The following IL33 variants were observed in gnomAD, a reference collection of about 807,000 sequenced individuals.
IL33 encodes the protein interleukin-33.
Under a neutral mutation model 27.3 loss-of-function variants are expected in IL33, and 37 were observed. The observed-to-expected ratio is 1.36, with a 90% confidence interval of 1.04 to 1.78. The LOEUF (loss-of-function observed/expected upper bound fraction) is 1.78, where lower values mean the gene tolerates loss of function less well. Among genes scored for constraint, IL33 ranks in the 40% most tolerant of loss-of-function variants. The pLI, the probability that IL33 is intolerant of heterozygous loss-of-function variation, is 0.00. For missense variants in IL33, 406 were observed against 311.4 expected, an observed-to-expected ratio of 1.30 and a Z score of -2.29; for synonymous variants, 132 against 102.9, an observed-to-expected ratio of 1.28 and a Z score of -1.71.
chr9:6,220,659 ATATAT>A (rs1818369579), intron 1 of IL33, among the ~76,000 whole-genome samples: 1 of 152,126 alleles, frequency 6.6e-6, no homozygotes, highest in African/African-American at 2.4e-5. Flanking sequence ...TCTTATACAT[ATATAT>A]TATTTGTCCA....
At position 6,252,879 on chromosome 9, in the gene IL33, T is replaced by C. The variant is rs1816485959; in HGVS notation, c.357T>C (p.Ile119=). 1 of 1,605,096 alleles carries C rather than the reference T, an allele frequency of 6.2e-7. No homozygotes were observed. Among genetic ancestry groups the C allele is most frequent in the Non-Finnish European group, 8.5e-7 (1 of 1,177,722 alleles). ...HDSSITGISP[I]TEYLASLSTY... is the part of the protein sequence containing the mutation. ...TCTTAACAACAGGAATTTCACCTAT[T>C]ACAGAGTATCTTGCTTCTCTAAGCA... The change falls in exon 5 of 8, where the codon ATT becomes ATC. Residue 119 remains isoleucine, a synonymous_variant. Coordinates refer to ENST00000682010, the MANE Select transcript of IL33 (RefSeq NM_033439.4).
intron 2 of IL33, among the ~76,000 whole-genome samples, chr9:6,243,757 A>G (rs962581013): frequency 9.2e-5 from 14 of 152,220 alleles, no homozygotes; most frequent in African/African-American, 3.1e-4. Flanking sequence ...AGGATAAGGA[A>G]TGATGGTGGG....
At position 6,253,620 on chromosome 9, in the gene IL33, G is replaced by A. The variant is rs763465095; in HGVS notation, c.520+18G>A. 8 of 1,592,858 alleles carry A rather than the reference G, an allele frequency of 5.0e-6. No homozygotes were observed. In the East Asian group the frequency reaches 1.6e-4, roughly 31 times the overall value. On this transcript the variant is annotated intron_variant, in intron 6 of 7. Coordinates refer to ENST00000682010, the MANE Select transcript of IL33 (RefSeq NM_033439.4). ...TGAATCAGGTAATTTGGAGGGCTGG[G>A]TAGCTGTAGTGCTTGAATTCTTAAG... is the stretch of plus-strand genomic sequence containing the variant.
upstream of IL33, among the ~76,000 whole-genome samples, chr9:6,215,170 G>C (rs1466264191): frequency 1.3e-5 from 2 of 152,210 alleles, no homozygotes; most frequent in Non-Finnish European, 2.9e-5. Context: ...ACGAGATGGA[G>C]AGAGGGTGAG....
At chr9:6,227,045 G>C (rs2006682) in intron 1 of IL33, among the ~76,000 whole-genome samples, 110,813 of 152,236 alleles carry the variant, frequency 0.73, 40,738 homozygotes, top group East Asian at 1. Context: ...AGACTACAAA[G>C]CCATGTAGGG....
At chr9:6,227,846 T>G (rs1818714625) in intron 1 of IL33, among the ~76,000 whole-genome samples, 1 of 152,168 alleles carries the variant, frequency 6.6e-6, no homozygotes, top group African/African-American at 2.4e-5. Flanking sequence ...CCTAGAAAAC[T>G]TTCTAGGTAG....
intron 1 of IL33, among the ~76,000 whole-genome samples, chr9:6,238,915 G>C (rs1373187659): frequency 6.6e-6 from 1 of 152,170 alleles, no homozygotes; most frequent in East Asian, 1.9e-4. Flanking sequence ...TTATGATACA[G>C]AACTCCATAT....
intron 1 of IL33, among the ~76,000 whole-genome samples, chr9:6,225,702 G>T (rs1365497706): frequency 6.6e-6 from 1 of 152,018 alleles, no homozygotes; most frequent in Non-Finnish European, 1.5e-5. Context: ...TGTCCTCAAT[G>T]ACTGACATTA....
rs141151557 is a variant in IL33 at position 6,246,781 on chromosome 9, G to A, written c.92-3693G>A. Among the ~76,000 whole-genome samples, 163 of 152,268 alleles carry A rather than the reference G, an allele frequency of 1.1e-3. No individual in the cohort carries two copies. The Middle Eastern group carries it at 0.014, about 13-fold the overall frequency. On this transcript the variant is annotated intron_variant, in intron 2 of 7. Transcript: ENST00000682010. The stretch of plus-strand genomic sequence containing the variant: ...ATGTCTTCCACCATGTGATGACACA[G>A]CAAGAAGGCCCTCATCAGCTACAGC...
chr9:6,224,095 T>C (rs1258679650), intron 1 of IL33, among the ~76,000 whole-genome samples: 1 of 152,156 alleles, frequency 6.6e-6, no homozygotes, highest in Non-Finnish European at 1.5e-5. Flanking sequence ...ACTAAAGTCC[T>C]TCTTTCCCTA....
chr9:6,253,009 T>C lies in IL33; in HGVS notation c.469+18T>C, dbSNP rs752427474. 1 of 1,414,110 alleles carries C rather than the reference T, an allele frequency of 7.1e-7. No individual in the cohort carries two copies. Among genetic ancestry groups the C allele is most frequent in the South Asian group, 1.3e-5 (1 of 78,224 alleles). 87.6% of individuals were successfully genotyped at this position (1,414,110 alleles called of 1,614,324 possible). The stretch of plus-strand genomic sequence containing the variant: ...AAAGAAAGGTAGATTATTTTCTTTT[T>C]CTATAATAATGTAATAATGACTAAT... On this transcript the variant is annotated intron_variant, in intron 5 of 7. Coordinates refer to ENST00000682010, the MANE Select transcript of IL33 (RefSeq NM_033439.4).
At chr9:6,253,436 G>C (rs979544737) in intron 5 of IL33, 116 bp from the exon 6 acceptor site, 11 of 645,558 alleles carry the variant, frequency 1.7e-5, no homozygotes, top group Admixed American at 3.1e-5. Context: ...CAAAAGATTT[G>C]TTTTTATTGA....
At chr9:6,236,451 GAGAA>G (rs1160704352) in intron 1 of IL33, among the ~76,000 whole-genome samples, 1 of 152,184 alleles carries the variant, frequency 6.6e-6, no homozygotes, top group Non-Finnish European at 1.5e-5. Flanking sequence ...CTGTAGAAAA[GAGAA>G]AGGAAATTAA....
chr9:6,233,906 C>T (rs1046688395), intron 1 of IL33, among the ~76,000 whole-genome samples: 1 of 152,170 alleles, frequency 6.6e-6, no homozygotes, highest in African/African-American at 2.4e-5. Context: ...TCTGCGCAGT[C>T]CAGTGCAGTT....
chr9:6,220,584 C>G (rs1229371792), intron 1 of IL33, among the ~76,000 whole-genome samples: 1 of 152,124 alleles, frequency 6.6e-6, no homozygotes, highest in East Asian at 1.9e-4. Flanking sequence ...CAAACATGAA[C>G]TTCCTCAAAT....
At chr9:6,228,562 T>G (rs1235277025) in intron 1 of IL33, among the ~76,000 whole-genome samples, 2 of 148,640 alleles carry the variant, frequency 1.3e-5, no homozygotes, top group Admixed American at 1.3e-4. Flanking sequence ...ACTTTCTGAA[T>G]CCATTAAACA....
At position 6,254,751 on chromosome 9, in the gene IL33, C is replaced by T. The variant is rs139227818; in HGVS notation, c.612+198C>T. 1.2e-3 allele frequency among the ~76,000 whole-genome samples: 177 copies of T among 152,176 alleles called. 2 individuals carry two copies. The highest frequency in any genetic ancestry group is 4.0e-3 in the African/African-American group (166 of 41,524). ...GAAGGGAGGAAAGTGGCATGTATGG[C>T]TTTGCTATTGAAAGTCTGCTCTCTG... On this transcript the variant is annotated intron_variant, in intron 7 of 7. Coordinates refer to ENST00000682010, the MANE Select transcript of IL33 (RefSeq NM_033439.4).
At chr9:6,216,156 G>C (rs1481822218) in intron 1 of IL33, among the ~76,000 whole-genome samples, 1 of 152,002 alleles carries the variant, frequency 6.6e-6, no homozygotes, top group Non-Finnish European at 1.5e-5. Context: ...TAAGAGATGG[G>C]ATCTTGCTCT....
intron 1 of IL33, among the ~76,000 whole-genome samples, chr9:6,225,661 G>C (rs896263953): frequency 1.3e-5 from 2 of 152,184 alleles, no homozygotes; most frequent in African/African-American, 4.8e-5. Context: ...TATTGGACGG[G>C]TGATTTTTTT....
Sources: allele counts gnomAD v4.1 joint callset (sites outside exome capture counted in the v4.1 genomes callset), GRCh38; gene constraint gnomAD v4.1.1; transcripts MANE v1.5; gene names NCBI Gene and HGNC (gene_info 2026-07-23, HGNC 2026-07-21).